DYRK1A: variants seen among roughly 807,000 people sequenced by gnomAD.
The protein encoded by DYRK1A is dual specificity tyrosine-phosphorylation-regulated kinase 1A.
In DYRK1A, 9 loss-of-function variants were observed where a neutral mutation model predicts 79.7. The observed-to-expected ratio is 0.11, with a 90% CI of 0.07 to 0.20. The LOEUF (loss-of-function observed/expected upper bound fraction) is 0.20. Ranked by LOEUF, DYRK1A falls within the 10% of genes least tolerant of loss-of-function variation. The pLI, the probability that DYRK1A is intolerant of heterozygous loss-of-function variation, is 1.00. For synonymous variants in DYRK1A, 349 were observed against 329.7 expected (o/e 1.06, Z -0.63); for missense variants, 622 against 956.0 (o/e 0.65, Z 4.61).
In DYRK1A at chr21:37,476,875, G is replaced by C. The variant is rs181433420; in HGVS notation, c.208-1333G>C. 1.5e-3 allele frequency among the ~76,000 whole-genome samples: 212 copies of C among 145,730 alleles called. 2 individuals are homozygous for C. Among genetic ancestry groups the C allele is most frequent in the South Asian group, 9.0e-3 (42 of 4,656 alleles). ...AAGCACAGGACTTTGAGAAGAGATAGTGTTATTTCAGTAAATGGGTGAATT... is the reference window on the plus strand; with the variant it reads ...AAGCACAGGACTTTGAGAAGAGATACTGTTATTTCAGTAAATGGGTGAATT... On this transcript the variant is annotated intron_variant, in intron 3 of 11. Coordinates refer to ENST00000647188, the MANE Select transcript of DYRK1A (RefSeq NM_001347721.2).
At chr21:37,461,860 C>CTTT (rs113876525) in intron 2 of DYRK1A, among the ~76,000 whole-genome samples, 1 of 125,882 alleles carries the variant, frequency 7.9e-6, no homozygotes, top group Non-Finnish European at 1.8e-5. Context: ...TGACTTTTTC[C>CTTT]TTTTTTTTTT....
At chr21:37,380,243 CTG>C (rs2049629416) in intron 1 of DYRK1A, among the ~76,000 whole-genome samples, 1 of 152,134 alleles carries the variant, frequency 6.6e-6, no homozygotes, top group Non-Finnish European at 1.5e-5. Flanking sequence ...AAAAAAACAA[CTG>C]TTACCACAGT....
At chr21:37,411,666 T>C (rs1049851094) in intron 1 of DYRK1A, among the ~76,000 whole-genome samples, 1 of 152,188 alleles carries the variant, frequency 6.6e-6, no homozygotes, top group Non-Finnish European at 1.5e-5. Context: ...AGAATGTCTA[T>C]TGGTTGAGAA....
chr21:37,427,765 A>G (rs1418127110), intron 2 of DYRK1A, among the ~76,000 whole-genome samples: 2 of 151,968 alleles, frequency 1.3e-5, no homozygotes, highest in East Asian at 3.9e-4. Context: ...TCTGCACCCT[A>G]GGATCCTAGG....
rs1233677228 is a variant in DYRK1A at position 37,515,221 on chromosome 21, G to A, written c.*2690G>A. ...TTTTAAAAATTAATTTAAGAAAAAT[G>A]TAAACATAGTAAAAATCTTCCTATG... On this transcript the variant is annotated 3_prime_UTR_variant, in exon 12 of 12. Transcript: ENST00000647188. 1 of 152,618 alleles carries A rather than the reference G, an allele frequency of 6.6e-6. No individual in the cohort carries two copies. Among genetic ancestry groups the A allele is most frequent in the Non-Finnish European group, 1.5e-5 (1 of 68,040 alleles). 9.5% of individuals were successfully genotyped at this position (152,618 alleles called of 1,614,324 possible). A position where few individuals can be genotyped will look rare whatever the true frequency, so the allele number is the denominator to read the frequency against.
rs536947921 is a variant in DYRK1A at position 37,472,748 on chromosome 21, T to G, written c.75T>G (p.Ala25=). Residue 25 remains alanine (A), a synonymous_variant, in exon 3 of 12, where the codon GCT becomes GCG. Transcript: ENST00000647188. ...VRLAPSFSFH[A]AGLQMAGQMP... is the part of the protein sequence containing the mutation. ...TTGCACCGTCATTTTCATTCCATGC[T>G]GCTGGCCTTCAGATGGCTGGACAGA... 6.2e-7 allele frequency: 1 copy of G among 1,612,860 alleles called. No homozygotes were observed. Among genetic ancestry groups the G allele is most frequent in the Non-Finnish European group, 8.5e-7 (1 of 1,179,030 alleles).
At chr21:37,409,454 A>C (rs554242970) in intron 1 of DYRK1A, among the ~76,000 whole-genome samples, 1 of 152,252 alleles carries the variant, frequency 6.6e-6, no homozygotes, top group Non-Finnish European at 1.5e-5. Context: ...AGTTAGCAGG[A>C]TATTAACTGA....
At chr21:37,461,062 T>G (rs1273300155) in intron 2 of DYRK1A, among the ~76,000 whole-genome samples, 1 of 152,164 alleles carries the variant, frequency 6.6e-6, no homozygotes, top group African/African-American at 2.4e-5. Flanking sequence ...GTAAGGGCCC[T>G]TTTACTGTAG....
At chr21:37,441,154 T>C (rs2051090620) in intron 2 of DYRK1A, among the ~76,000 whole-genome samples, 1 of 152,196 alleles carries the variant, frequency 6.6e-6, no homozygotes, top group Non-Finnish European at 1.5e-5. Context: ...ATAACTTTCA[T>C]CTCGTGATAT....
intron 2 of DYRK1A, among the ~76,000 whole-genome samples, chr21:37,458,754 C>T (rs535142947): frequency 8.5e-5 from 13 of 152,294 alleles, no homozygotes; most frequent in South Asian, 6.2e-4. Flanking sequence ...TAACTTTGCA[C>T]GCCGCAGAGG....
At chr21:37,393,958 G>C (rs2148390787) in intron 1 of DYRK1A, among the ~76,000 whole-genome samples, 1 of 152,276 alleles carries the variant, frequency 6.6e-6, no homozygotes, top group South Asian at 2.1e-4. Context: ...TGAACTGGCA[G>C]TGTCATCTCC....
intron 11 of DYRK1A, among the ~76,000 whole-genome samples, chr21:37,508,101 A>G (rs2053648549): frequency 6.6e-6 from 1 of 152,172 alleles, no homozygotes; most frequent in South Asian, 2.1e-4. Flanking sequence ...ACACTGAATC[A>G]GACAGTAAAT....
chr21:37,379,126 G>A (rs1171823333), intron 1 of DYRK1A, among the ~76,000 whole-genome samples: 1 of 152,020 alleles, frequency 6.6e-6, no homozygotes, highest in Non-Finnish European at 1.5e-5. Flanking sequence ...ACATGAGAGT[G>A]GGGTTGAGTC....
chr21:37,455,791 T>C (rs918612286), intron 2 of DYRK1A, among the ~76,000 whole-genome samples: 1 of 152,182 alleles, frequency 6.6e-6, no homozygotes, highest in African/African-American at 2.4e-5. Flanking sequence ...CAGGTACCAT[T>C]TTAAACATTA....
chr21:37,479,625 T>TTTTTTTTTTTG (rs2052560453), intron 4 of DYRK1A, among the ~76,000 whole-genome samples: 1 of 97,534 alleles, frequency 1.0e-5, no homozygotes, highest in African/African-American at 5.6e-5. Context: ...TTTTGTTTTT[T>TTTTTTTTTTTG]TTTTTTTTTT....
intron 1 of DYRK1A, among the ~76,000 whole-genome samples, chr21:37,394,123 G>A (rs1156861764): frequency 6.6e-6 from 1 of 151,872 alleles, no homozygotes; most frequent in Non-Finnish European, 1.5e-5. Flanking sequence ...TTTCTGAAAG[G>A]GAAAAAGAAA....
chr21:37,505,659 A>G (rs559541484), intron 10 of DYRK1A, 70 bp downstream of exon 10: 119 of 1,466,376 alleles, frequency 8.1e-5, no homozygotes, highest in Non-Finnish European at 9.7e-5. Context: ...GGATTATTTT[A>G]AAGTGTTGAT....
At chr21:37,510,190 G>A (rs1569403373) in intron 11 of DYRK1A, among the ~76,000 whole-genome samples, 1 of 152,208 alleles carries the variant, frequency 6.6e-6, no homozygotes, top group Non-Finnish European at 1.5e-5. Context: ...CAGAATGACT[G>A]TTTCAAAGGG....
rs563650657 is a variant in DYRK1A, at chr21:37,375,866, T to A, written c.-77+8238T>A. ...AACACTTTATTTGTATCAGTTATTATTATTAGATCTAGCCTGAAAACCCAT... is the reference window on the plus strand; with the variant it reads ...AACACTTTATTTGTATCAGTTATTAATATTAGATCTAGCCTGAAAACCCAT... On this transcript the variant is annotated intron_variant, in intron 1 of 11. Transcript: ENST00000647188. Among the ~76,000 whole-genome samples, 5 of 152,214 alleles carry A rather than the reference T, an allele frequency of 3.3e-5. No individual in the cohort carries two copies. In the South Asian group the frequency reaches 1.0e-3, roughly 32 times the overall value.
Sources: gnomAD v4.1 joint callset for allele counts (sites outside exome capture counted in the v4.1 genomes callset) on GRCh38, gnomAD v4.1.1 for gene constraint, MANE v1.5 for transcripts, NCBI Gene and HGNC (gene_info 2026-07-23, HGNC 2026-07-21) for gene names.